The following NSUN4 variants were observed in gnomAD, a reference collection of about 807,000 sequenced individuals.
NSUN4 encodes the protein 5-cytosine rRNA methyltransferase NSUN4.
NSUN4 carries 31 observed loss-of-function variants against 43.8 expected under a neutral mutation model. That is an observed-to-expected ratio of 0.71 (90% CI 0.53 to 0.96). The LOEUF (loss-of-function observed/expected upper bound fraction) is 0.96. Ranked by LOEUF, NSUN4 falls within the 40% of genes least tolerant of loss-of-function variation. NSUN4 has a pLI of 0.00. For missense variants in NSUN4, 439 were observed against 475.6 expected, an observed-to-expected ratio of 0.92 and a Z score of 0.72; for synonymous variants, 167 against 184.1, an observed-to-expected ratio of 0.91 and a Z score of 0.75.
At chr1:46,371,895 C>T in the NSUN4 span, among the ~76,000 whole-genome samples, 3 of 152,116 alleles carry the variant, frequency 2.0e-5, no homozygotes, top group African/African-American at 4.8e-5. Flanking sequence ...GTATGCTTAT[C>T]ATTGAGGAGA....
the NSUN4 span, among the ~76,000 whole-genome samples, chr1:46,374,478 G>A: frequency 1.3e-5 from 2 of 148,400 alleles, no homozygotes; most frequent in Non-Finnish European, 3.0e-5. Flanking sequence ...GCATGGTGGT[G>A]AGCTCCTGTA....
downstream of NSUN4, chr1:46,365,134 G>A (rs1664103028): frequency 6.6e-6 from 1 of 152,160 alleles, no homozygotes; most frequent in African/African-American, 2.4e-5. Context: ...TTGACTTAGT[G>A]TAATGTTTTT....
chr1:46,379,482 G>A, the NSUN4 span, among the ~76,000 whole-genome samples: 1 of 152,104 alleles, frequency 6.6e-6, no homozygotes, highest in Non-Finnish European at 1.5e-5. Context: ...GGGCGTGGTG[G>A]TGCGTGCCCA....
chr1:46,368,637 T>C (rs1557748535), downstream of NSUN4, among the ~76,000 whole-genome samples: 2 of 152,106 alleles, frequency 1.3e-5, no homozygotes, highest in Non-Finnish European at 2.9e-5. Context: ...ACAAATAAAG[T>C]AGTGGTTGTT....
At chr1:46,357,311 C>T (rs1663453186) in intron 4 of NSUN4, among the ~76,000 whole-genome samples, 2 of 152,202 alleles carry the variant, frequency 1.3e-5, no homozygotes, top group South Asian at 4.1e-4. Context: ...TCCCAAGTAG[C>T]TGGGAGTACA....
chr1:46,370,431 C>G, the NSUN4 span, among the ~76,000 whole-genome samples: 1 of 152,082 alleles, frequency 6.6e-6, no homozygotes, highest in Admixed American at 6.5e-5. Context: ...CAAAGGAGTA[C>G]TTAGTTACTC....
chr1:46,383,843 A>C, the NSUN4 span, among the ~76,000 whole-genome samples: 1 of 152,142 alleles, frequency 6.6e-6, no homozygotes, highest in African/African-American at 2.4e-5. Flanking sequence ...CAGCAAGGCA[A>C]TTTACCTCTA....
chr1:46,341,626 C>G (rs918951453), intron 1 of NSUN4: 2 of 1,217,852 alleles, frequency 1.6e-6, no homozygotes, highest in African/African-American at 1.6e-5. Flanking sequence ...CCGATTCCCT[C>G]GCCACCTCCA....
At chr1:46,360,228 CAAA>C (rs1240539714) in intron 4 of NSUN4, among the ~76,000 whole-genome samples, 1 of 35,024 alleles carries the variant, frequency 2.9e-5, no homozygotes, top group Non-Finnish European at 4.7e-5. Context: ...GACTCCATCT[CAAA>C]AAAAAAAAAA....
chr1:46,349,862 G>T (rs1662852401), intron 3 of NSUN4, among the ~76,000 whole-genome samples: 1 of 152,176 alleles, frequency 6.6e-6, no homozygotes, highest in African/African-American at 2.4e-5. Context: ...TAAGGGTAGG[G>T]TTACTTGGAG....
At chr1:46,381,767 A>G in the NSUN4 span, among the ~76,000 whole-genome samples, 1 of 152,234 alleles carries the variant, frequency 6.6e-6, no homozygotes, top group Non-Finnish European at 1.5e-5. Flanking sequence ...GTTGAGGGCT[A>G]GAATCCTATT....
intron 4 of NSUN4, among the ~76,000 whole-genome samples, chr1:46,358,691 T>C (rs72677593): frequency 0.22 from 34,007 of 151,992 alleles, 4,255 homozygotes; most frequent in Non-Finnish European, 0.29. Context: ...TGAGCCGCTG[T>C]GCCTGACACC....
the NSUN4 span, among the ~76,000 whole-genome samples, chr1:46,380,764 C>T: frequency 6.6e-6 from 1 of 152,144 alleles, no homozygotes; most frequent in Non-Finnish European, 1.5e-5. Flanking sequence ...GATTTGAACT[C>T]AGGCAGTCTG....
Position 46,352,959 on chromosome 1 carries a change from A to C in NSUN4, c.684A>C (p.Gly228=). The change falls in exon 4 of 6, where the codon GGA becomes GGC. Residue 228 remains glycine, a synonymous_variant. Coordinates refer to ENST00000474844, the MANE Select transcript of NSUN4 (RefSeq NM_199044.4). ...HSYVPEEIRD[G]NQVRVTSWDG... is the part of the protein sequence containing the mutation. ...ATGTGCCTGAAGAGATCAGGGATGGAAATCAAGTTCGAGTTACCTCATGGG... is the reference window on the plus strand; with the variant it reads ...ATGTGCCTGAAGAGATCAGGGATGGCAATCAAGTTCGAGTTACCTCATGGG... The C allele has an allele frequency of 6.2e-7, 1 of 1,614,210 alleles. No individual in the cohort carries two copies. Among genetic ancestry groups the C allele is most frequent in the Non-Finnish European group, 8.5e-7 (1 of 1,180,014 alleles).
rs558057572 is a variant in NSUN4 at position 46,350,251 on chromosome 1, C to T, written c.593-2617C>T. Among the ~76,000 whole-genome samples the T allele has an allele frequency of 2.0e-5, 3 of 152,088 alleles. No homozygotes were observed. In the South Asian group the frequency reaches 6.2e-4, roughly 32 times the overall value. On this transcript the variant is annotated intron_variant, in intron 3 of 5. Coordinates refer to ENST00000474844, the MANE Select transcript of NSUN4 (RefSeq NM_199044.4). Reference sequence around the variant, plus strand: ...TGCCCTCAAAAATGGAGACATTGGCCGGGGGGCGGTGACTCACGCCTGTAA... The same window carrying T: ...TGCCCTCAAAAATGGAGACATTGGCTGGGGGGCGGTGACTCACGCCTGTAA...
In NSUN4 at chr1:46,364,539, GCAGGTGCCTGTAATCTCAGCTACT is replaced by G. The variant is rs1273740500; in HGVS notation, c.*2697_*2720del. 1 of 152,214 alleles carries G rather than the reference GCAGGTGCCTGTAATCTCAGCTACT, an allele frequency of 6.6e-6. No homozygotes were observed. Among genetic ancestry groups the G allele is most frequent in the Non-Finnish European group, 1.5e-5 (1 of 68,074 alleles). The allele number at this position is 152,214 out of a possible 1,614,324, so 9.4% of individuals were successfully genotyped here. A position where few individuals can be genotyped will look rare whatever the true frequency, so the allele number is the denominator to read the frequency against. On this transcript the variant is annotated 3_prime_UTR_variant, in exon 6 of 6. Coordinates refer to ENST00000474844, the MANE Select transcript of NSUN4 (RefSeq NM_199044.4). ...TATAAAAGTACAAAAGGGCATGATGGCAGGTGCCTGTAATCTCAGCTACTCAGTAGGCTGGAGCGGGAGAACTGC... is the reference window on the plus strand; with the variant it reads ...TATAAAAGTACAAAAGGGCATGATGGCAGTAGGCTGGAGCGGGAGAACTGC...
downstream of NSUN4, among the ~76,000 whole-genome samples, chr1:46,368,818 C>G (rs1476267010): frequency 1.3e-5 from 2 of 152,052 alleles, no homozygotes; most frequent in Non-Finnish European, 2.9e-5. Flanking sequence ...TTTTGGAGGC[C>G]AAGGCAGGAG....
chr1:46,357,205 G>T (rs180816669), intron 4 of NSUN4, among the ~76,000 whole-genome samples: 2 of 152,236 alleles, frequency 1.3e-5, no homozygotes, highest in East Asian at 3.9e-4. Flanking sequence ...TTGAGACAGG[G>T]TTTCACTCCC....
the NSUN4 span, among the ~76,000 whole-genome samples, chr1:46,375,739 A>G: frequency 8.0e-6 from 1 of 124,538 alleles, no homozygotes; most frequent in Non-Finnish European, 1.9e-5. Flanking sequence ...TCTGTCTCAA[A>G]AAAAAAAAAA....
Sources: allele counts gnomAD v4.1 joint callset (sites outside exome capture counted in the v4.1 genomes callset), GRCh38; gene constraint gnomAD v4.1.1; transcripts MANE v1.5; gene names NCBI Gene and HGNC (gene_info 2026-07-23, HGNC 2026-07-21).